DNAAF4: variants seen among roughly 807,000 people sequenced by gnomAD.
The protein encoded by DNAAF4 is dynein axonemal assembly factor 4.
In DNAAF4, 43 loss-of-function variants were observed where a neutral mutation model predicts 51.8. The ratio of observed to expected loss-of-function variants is 0.83; its 90% CI spans 0.65 to 1.07. The LOEUF (loss-of-function observed/expected upper bound fraction) is 1.07, where lower values mean the gene tolerates loss of function less well. Ranked by LOEUF, DNAAF4 falls within the 50% of genes least tolerant of loss-of-function variation. The probability of loss-of-function intolerance (pLI) is 0.00; values close to 1 mark genes in which losing one functional copy is unlikely to be tolerated. For missense variants in DNAAF4, 581 were observed against 493.0 expected (o/e 1.18, Z -1.69); for synonymous variants, 194 against 165.6 (o/e 1.17, Z -1.32).
chr15:55,437,139 G>A (rs956058811), intron 7 of DNAAF4, among the ~76,000 whole-genome samples: 1 of 152,108 alleles, frequency 6.6e-6, no homozygotes, highest in African/African-American at 2.4e-5. Context: ...TCTTATCCAT[G>A]TTATTGTACT....
chr15:55,439,944 G>T (rs954159109), intron 6 of DNAAF4, among the ~76,000 whole-genome samples: 2 of 152,142 alleles, frequency 1.3e-5, no homozygotes, highest in Admixed American at 6.5e-5. Context: ...CTGGCACCCT[G>T]ATCTTGGATT....
At chr15:55,473,369 G>GTATA (rs372477096) in intron 4 of DNAAF4, among the ~76,000 whole-genome samples, 16,002 of 130,852 alleles carry the variant, frequency 0.12, 1,628 homozygotes, top group African/African-American at 0.26. Flanking sequence ...ATGTGTGTGT[G>GTATA]TATATATATA....
chr15:55,490,413 T>A lies in DNAAF4; in HGVS notation c.405+710A>T, dbSNP rs998971738. Among the ~76,000 whole-genome samples, 19 of 152,272 alleles carry A rather than the reference T, an allele frequency of 1.2e-4. No individual in the cohort carries two copies. In the South Asian group the frequency reaches 1.7e-3, roughly 13 times the overall value. The stretch of plus-strand genomic sequence containing the variant: ...CTTTAAATGGGTAAATTATATGGAA[T>A]GTGAATTGTTTCTCAAAAAATATAT... On this transcript the variant is annotated intron_variant, in intron 4 of 9. Coordinates refer to ENST00000321149, the MANE Select transcript of DNAAF4 (RefSeq NM_130810.4).
intron 1 of DNAAF4, among the ~76,000 whole-genome samples, chr15:55,506,978 T>C (rs1352953413): frequency 6.6e-6 from 1 of 152,066 alleles, no homozygotes; most frequent in Non-Finnish European, 1.5e-5. Context: ...GCCTCCTGAG[T>C]AGCTGGGATT....
At chr15:55,503,068 C>T (rs1001388867) in intron 1 of DNAAF4, among the ~76,000 whole-genome samples, 3 of 151,720 alleles carry the variant, frequency 2.0e-5, no homozygotes, top group Admixed American at 1.3e-4. Context: ...ATCAAATAGA[C>T]GCAATAAAAA....
At chr15:55,425,509 G>A (rs986196080), downstream of DNAAF4, among the ~76,000 whole-genome samples, 9 of 151,992 alleles carry the variant, frequency 5.9e-5, no homozygotes, top group African/African-American at 2.2e-4. Flanking sequence ...AGGCCTCACA[G>A]GAATGAAAAG....
chr15:55,490,996 T>A lies in DNAAF4; in HGVS notation c.405+127A>T, dbSNP rs73411032. 11,034 of 1,098,552 alleles carry A rather than the reference T, an allele frequency of 0.01. 656 individuals are homozygous for A. In the African/African-American group the frequency reaches 0.14, roughly 14 times the overall value. 68.1% of individuals were successfully genotyped at this position (1,098,552 alleles called of 1,614,324 possible). On this transcript the variant is annotated intron_variant, in intron 4 of 9. Transcript: ENST00000321149. ...ACATATAAATAGCAGACAGTCTATA[T>A]AACATAGTAAGTCCTCTAAACAAAG...
At chr15:55,445,740 C>T (rs2057790810) in intron 6 of DNAAF4, among the ~76,000 whole-genome samples, 1 of 150,344 alleles carries the variant, frequency 6.7e-6, no homozygotes, top group Non-Finnish European at 1.5e-5. Context: ...GACGGGGCGG[C>T]CGGGAAGAGG....
chr15:55,433,858 A>ATATT (rs1567000285), intron 8 of DNAAF4, among the ~76,000 whole-genome samples: 2 of 45,058 alleles, frequency 4.4e-5, no homozygotes, highest in African/African-American at 1.6e-4. Flanking sequence ...TATATATTAT[A>ATATT]ATATATATTA....
intron 5 of DNAAF4, among the ~76,000 whole-genome samples, chr15:55,453,948 A>C (rs2057977790): frequency 6.6e-6 from 1 of 152,180 alleles, no homozygotes; most frequent in Non-Finnish European, 1.5e-5. Flanking sequence ...GAAAATTTAT[A>C]AACTAGAAGA....
chr15:55,479,483 ATG>A (rs1461034712), intron 4 of DNAAF4, among the ~76,000 whole-genome samples: 5 of 151,446 alleles, frequency 3.3e-5, no homozygotes, highest in Non-Finnish European at 7.4e-5. Flanking sequence ...ATTGTAAAAC[ATG>A]TGTGTTTCAA....
At chr15:55,450,598 CCA>C (rs1434778956) in intron 5 of DNAAF4, among the ~76,000 whole-genome samples, 1 of 152,106 alleles carries the variant, frequency 6.6e-6, no homozygotes, top group Non-Finnish European at 1.5e-5. Context: ...CTTTGTAAAA[CCA>C]CAGTGTTTAA....
intron 6 of DNAAF4, among the ~76,000 whole-genome samples, chr15:55,445,358 G>C (rs1395815266): frequency 6.6e-6 from 1 of 152,108 alleles, no homozygotes; most frequent in Non-Finnish European, 1.5e-5. Context: ...GGGGTTGGGG[G>C]TAAGGTTATA....
chr15:55,507,711 G>A (rs1403375049), intron 1 of DNAAF4, among the ~76,000 whole-genome samples: 1 of 152,106 alleles, frequency 6.6e-6, no homozygotes, highest in Admixed American at 6.5e-5. Context: ...GAAGGCCCGG[G>A]ATGCACATTG....
chr15:55,433,886 A>ATATAT lies in DNAAF4; in HGVS notation c.1047+1014_1047+1018dup, dbSNP rs1312873584. Among the ~76,000 whole-genome samples, 25 of 52,834 alleles carry ATATAT rather than the reference A, an allele frequency of 4.7e-4. 1 individual carries two copies. The highest frequency in any genetic ancestry group is 2.6e-3 in the African/African-American group (25 of 9,760). The allele number at this position is 52,834 out of a possible 152,430, so 34.7% of individuals were successfully genotyped here. On this transcript the variant is annotated intron_variant, in intron 8 of 9. Transcript: ENST00000321149. Reference sequence around the variant, plus strand: ...ATATATTATATATATTACATATATTATATATATATTATATATATTATATAT... The same window carrying ATATAT: ...ATATATTATATATATTACATATATTATATATTATATATATTATATATATTATATAT...
chr15:55,428,372 C>T (rs1004161178), downstream of DNAAF4, among the ~76,000 whole-genome samples: 2 of 151,788 alleles, frequency 1.3e-5, no homozygotes, highest in African/African-American at 4.8e-5. Context: ...AAACTATACA[C>T]TAAGTTTTTT....
At chr15:55,473,369 G>GTGTATATATA (rs1555418830) in intron 4 of DNAAF4, among the ~76,000 whole-genome samples, 50 of 130,914 alleles carry the variant, frequency 3.8e-4, no homozygotes, top group Non-Finnish European at 6.2e-4. Context: ...ATGTGTGTGT[G>GTGTATATATA]TATATATATA....
At chr15:55,496,267 T>C (rs1287017559) in intron 3 of DNAAF4, among the ~76,000 whole-genome samples, 1 of 152,166 alleles carries the variant, frequency 6.6e-6, no homozygotes, top group Non-Finnish European at 1.5e-5. Flanking sequence ...ATTTCAACTT[T>C]GGCTGCACAT....
At chr15:55,485,314 A>G (rs2058471973) in intron 4 of DNAAF4, among the ~76,000 whole-genome samples, 1 of 152,252 alleles carries the variant, frequency 6.6e-6, no homozygotes, top group Non-Finnish European at 1.5e-5. Flanking sequence ...CAGAATCATG[A>G]AAGTTATTAT....
Sources: allele counts gnomAD v4.1 joint callset (sites outside exome capture counted in the v4.1 genomes callset), GRCh38; gene constraint gnomAD v4.1.1; transcripts MANE v1.5; gene names NCBI Gene and HGNC (gene_info 2026-07-23, HGNC 2026-07-21).